Variants in BCAT1 observed in about 807,000 individuals in gnomAD.
BCAT1 encodes the protein branched-chain-amino-acid aminotransferase, cytosolic.
In BCAT1, 48 loss-of-function variants were observed where a neutral mutation model predicts 52.4. That is an observed-to-expected ratio of 0.92 (90% CI 0.73 to 1.16). The LOEUF (loss-of-function observed/expected upper bound fraction) is 1.16. Ranked by LOEUF, BCAT1 falls within the 50% of genes most tolerant of loss-of-function variation. BCAT1 has a pLI of 0.00. For synonymous variants in BCAT1, 167 were observed against 161.3 expected, an observed-to-expected ratio of 1.04 and a Z score of -0.27; for missense variants, 451 against 457.1, an observed-to-expected ratio of 0.99 and a Z score of 0.12.
chr12:24,820,589 G>C (rs556784445), intron 10 of BCAT1, among the ~76,000 whole-genome samples: 24 of 152,200 alleles, frequency 1.6e-4, no homozygotes, highest in Non-Finnish European at 2.2e-4. Context: ...TGTTTGGTAG[G>C]GCGGCTGTAA....
intron 1 of BCAT1, among the ~76,000 whole-genome samples, chr12:24,946,087 AGAAGCT>A (rs774523759): frequency 6.7e-4 from 102 of 152,344 alleles, no homozygotes; most frequent in Non-Finnish European, 4.4e-4. Context: ...GGCCATTTAA[AGAAGCT>A]GGCAACCTGA....
At chr12:24,892,973 G>T (rs1467665398) in intron 3 of BCAT1, among the ~76,000 whole-genome samples, 1 of 152,186 alleles carries the variant, frequency 6.6e-6, no homozygotes, top group Non-Finnish European at 1.5e-5. Context: ...GAAGAGCTGG[G>T]AACAGAAACT....
chr12:24,813,818 T>C lies in BCAT1; in HGVS notation c.*4190A>G, dbSNP rs1208052244. On this transcript the variant is annotated 3_prime_UTR_variant, in exon 11 of 11. Transcript: ENST00000261192. ...GATGTGTTCTGGCCTTCTTTGCTTATGATCTAACTATTCAGCTATCTAACT... is the reference window on the plus strand; with the variant it reads ...GATGTGTTCTGGCCTTCTTTGCTTACGATCTAACTATTCAGCTATCTAACT... 6.6e-6 allele frequency: 1 copy of C among 152,148 alleles called. No homozygotes were observed. The highest frequency in any genetic ancestry group is 1.5e-5 in the Non-Finnish European group (1 of 67,986). 9.4% of individuals were successfully genotyped at this position (152,148 alleles called of 1,614,324 possible). A position where few individuals can be genotyped will look rare whatever the true frequency, so the allele number is the denominator to read the frequency against.
intron 1 of BCAT1, among the ~76,000 whole-genome samples, chr12:24,944,392 T>C (rs1304945790): frequency 6.6e-6 from 1 of 152,248 alleles, no homozygotes; most frequent in African/African-American, 2.4e-5. Flanking sequence ...GTGACCATCC[T>C]GTGCAAATCC....
chr12:24,907,744 C>T (rs189044978), intron 1 of BCAT1, among the ~76,000 whole-genome samples: 1 of 152,310 alleles, frequency 6.6e-6, no homozygotes, highest in African/African-American at 2.4e-5. Flanking sequence ...TGAGAATGTA[C>T]TTTGTAAGAT....
Position 24,878,666 on chromosome 12 carries a change from C to T in BCAT1, c.391-17G>A. 2 of 1,588,854 alleles carry T rather than the reference C, an allele frequency of 1.3e-6. No individual in the cohort carries two copies. Among genetic ancestry groups the T allele is most frequent in the East Asian group, 2.2e-5 (1 of 44,504 alleles). ...GTCAAATACCTGAAAGAATGAAAAA[C>T]ATAATAAATGACAGAATTTTCTCAC... On this transcript the variant is annotated splice_polypyrimidine_tract_variant and intron_variant, in intron 4 of 10. Transcript: ENST00000261192.
At chr12:24,859,618 C>CAAAAAAAA (rs71063366) in intron 5 of BCAT1, among the ~76,000 whole-genome samples, 17 of 93,980 alleles carry the variant, frequency 1.8e-4, no homozygotes, top group African/African-American at 4.9e-4. Flanking sequence ...AGACTCGTCT[C>CAAAAAAAA]AAAAAAAAAA....
At chr12:24,914,207 G>A (rs897184457) in intron 1 of BCAT1, among the ~76,000 whole-genome samples, 3 of 151,358 alleles carry the variant, frequency 2.0e-5, no homozygotes, top group African/African-American at 2.4e-5. Flanking sequence ...TCCACCTCCC[G>A]AGGAGCTGGG....
At chr12:24,866,290 G>C (rs1183740155) in intron 5 of BCAT1, among the ~76,000 whole-genome samples, 2 of 152,322 alleles carry the variant, frequency 1.3e-5, no homozygotes, top group South Asian at 2.1e-4. Flanking sequence ...TAGATTTCTC[G>C]CCGGGCCAGA....
At chr12:24,834,896 CCTATCTGGCAAA>C (rs1940852168) in intron 8 of BCAT1, 1 of 659,832 alleles carries the variant, frequency 1.5e-6, no homozygotes, top group South Asian at 5.8e-5. Flanking sequence ...GACAATTTCC[CCTATCTGGCAAA>C]TAGTGGTGAC....
At chr12:24,899,330 G>A (rs1943033732) in intron 2 of BCAT1, among the ~76,000 whole-genome samples, 1 of 152,146 alleles carries the variant, frequency 6.6e-6, no homozygotes, top group Non-Finnish European at 1.5e-5. Context: ...AGAGAAATAT[G>A]TCAAAAGCAA....
At chr12:24,829,488 C>T (rs1163028351) in intron 10 of BCAT1, among the ~76,000 whole-genome samples, 1 of 152,190 alleles carries the variant, frequency 6.6e-6, no homozygotes, top group South Asian at 2.1e-4. Context: ...CAAATTTTTT[C>T]TTCCTTTTTT....
chr12:24,844,141 T>C (rs1465331527), intron 6 of BCAT1, among the ~76,000 whole-genome samples: 4 of 152,190 alleles, frequency 2.6e-5, no homozygotes, highest in Admixed American at 1.3e-4. Flanking sequence ...TTAAGATCAT[T>C]TCCAGGCCGG....
At chr12:24,823,616 C>T (rs4963802) in intron 10 of BCAT1, among the ~76,000 whole-genome samples, 120,703 of 152,066 alleles carry the variant, frequency 0.79, 48,076 homozygotes, top group Non-Finnish European at 0.82. Context: ...CAAACCTCCC[C>T]CTTGCTGTTC....
chr12:24,889,732 G>A (rs1030543771), intron 3 of BCAT1, among the ~76,000 whole-genome samples: 11 of 152,196 alleles, frequency 7.2e-5, no homozygotes, highest in Admixed American at 5.9e-4. Context: ...GCTCATGCCT[G>A]TAGTCCCAGC....
chr12:24,883,723 AT>A (rs1025051815), intron 3 of BCAT1, among the ~76,000 whole-genome samples: 3 of 152,120 alleles, frequency 2.0e-5, no homozygotes, highest in Non-Finnish European at 4.4e-5. Flanking sequence ...GTGGAAGATA[AT>A]TTTTCCACAG....
intron 1 of BCAT1, among the ~76,000 whole-genome samples, chr12:24,942,035 G>C (rs12424211): frequency 0.16 from 24,227 of 152,194 alleles, 2,477 homozygotes; most frequent in Non-Finnish European, 0.22. Context: ...GGAGACAATG[G>C]AGAAGCCATA....
intron 1 of BCAT1, among the ~76,000 whole-genome samples, chr12:24,909,357 T>TTATTACGCTAGAA: frequency 6.6e-6 from 1 of 152,334 alleles, no homozygotes; most frequent in Middle Eastern, 3.4e-3. Flanking sequence ...TAAAAAAATC[T>TTATTACGCTAGAA]TGACAAAAGA....
At chr12:24,831,064 T>C (rs1940645091) in intron 9 of BCAT1, among the ~76,000 whole-genome samples, 1 of 152,194 alleles carries the variant, frequency 6.6e-6, no homozygotes. Flanking sequence ...TGGACTTTCT[T>C]CTGCCTCTGC....
Sources: allele counts gnomAD v4.1 joint callset (sites outside exome capture counted in the v4.1 genomes callset), GRCh38; gene constraint gnomAD v4.1.1; transcripts MANE v1.5; gene names NCBI Gene and HGNC (gene_info 2026-07-23, HGNC 2026-07-21).